Variants in NLRP3 observed in about 807,000 individuals in gnomAD.
The protein encoded by NLRP3 is NLR family pyrin domain containing 3.
In NLRP3, 48 loss-of-function variants were observed where a neutral mutation model predicts 91.3. The observed-to-expected ratio is 0.53, with a 90% CI of 0.42 to 0.67. The LOEUF is 0.67. Ranked by LOEUF, NLRP3 falls within the 30% of genes least tolerant of loss-of-function variation. The pLI, the probability that NLRP3 is intolerant of heterozygous loss-of-function variation, is 0.00. For synonymous variants in NLRP3, 561 were observed against 507.9 expected, an observed-to-expected ratio of 1.10 and a Z score of -1.41; for missense variants, 982 against 1,276.9, an observed-to-expected ratio of 0.77 and a Z score of 3.52.
chr1:247,436,107 C>A lies in NLRP3; in HGVS notation c.2630C>A (p.Ala877Asp), dbSNP rs749903532. 2 of 1,614,118 alleles carry A rather than the reference C, an allele frequency of 1.2e-6. No homozygotes were observed. Among genetic ancestry groups the A allele is most frequent in the South Asian group, 1.1e-5 (1 of 91,084 alleles). Reference sequence around the variant, plus strand: ...GGAGTCGCAATTTTATGTGAAAAAGCCAAGAATCCACAGTGTAACCTGCAG... The same window carrying A: ...GGAGTCGCAATTTTATGTGAAAAAGACAAGAATCCACAGTGTAACCTGCAG... ...DSGVAILCEK[A>D]KNPQCNLQKL... Residue 877 changes from alanine to aspartate, a missense_variant, in exon 7 of 10, where the codon GCC (alanine) becomes GAC (aspartate). Physicochemically the swap from Ala to Asp is moderately radical, Grantham distance 126 (BLOSUM62 -2). Around this residue, in one of 5 missense-constraint regions of NLRP3, gnomAD observed 373 missense variants for 431.5 expected, o/e 0.86. Coordinates refer to ENST00000336119, the MANE Select transcript of NLRP3 (RefSeq NM_001243133.2).
chr1:247,434,650 A>C (rs1344948458), intron 6 of NLRP3, among the ~76,000 whole-genome samples: 2 of 152,190 alleles, frequency 1.3e-5, no homozygotes, highest in African/African-American at 4.8e-5. Flanking sequence ...CAGACCCTCG[A>C]TGTTGTATGC....
chr1:247,434,656 T>C (rs1328800872), intron 6 of NLRP3, among the ~76,000 whole-genome samples: 1 of 152,194 alleles, frequency 6.6e-6, no homozygotes, highest in African/African-American at 2.4e-5. Flanking sequence ...CTCGATGTTG[T>C]ATGCAGCCCT....
chr1:247,420,754 T>TC (rs1662397997), intron 2 of NLRP3, among the ~76,000 whole-genome samples: 1 of 46,588 alleles, frequency 2.1e-5, no homozygotes, highest in African/African-American at 7.5e-5. Context: ...TCTTGGTTTT[T>TC]TCTCTTTTCC....
intron 5 of NLRP3, among the ~76,000 whole-genome samples, chr1:247,430,305 C>T (rs1204050774): frequency 6.6e-6 from 1 of 152,200 alleles, no homozygotes; most frequent in Non-Finnish European, 1.5e-5. Context: ...TCTTCTGAGG[C>T]CGCCCTCCTT....
rs750952834 is a variant in NLRP3 at position 247,444,620 on chromosome 1, A to G, written c.2835-31A>G. On this transcript the variant is annotated intron_variant, in intron 8 of 9. Transcript: ENST00000336119. ...GGGAGCTAGGGGGATGGTTAAGGGG[A>G]CATTTTCTTTAAATCACCCCCTTTT... 14 of 1,611,174 alleles carry G rather than the reference A, an allele frequency of 8.7e-6. No homozygotes were observed. The Admixed American group carries it at 1.3e-4, about 15-fold the overall frequency.
Position 247,434,174 on chromosome 1 carries a change from T to A in NLRP3, c.2393T>A (p.Leu798Gln). 1 of 1,614,232 alleles carries A rather than the reference T, an allele frequency of 6.2e-7. No individual in the cohort carries two copies. Among genetic ancestry groups the A allele is most frequent in the Non-Finnish European group, 8.5e-7 (1 of 1,180,044 alleles). Reference protein sequence around the residue: ...ISLVLSSNQKLVELDLSDNAL... With the variant: ...ISLVLSSNQKQVELDLSDNAL... The stretch of plus-strand genomic sequence containing the variant: ...TTGGTCCTCAGCAGCAACCAGAAGC[T>A]GGTGGAGCTGGACCTGAGTGACAAC... The change falls in exon 6 of 10, where the codon CTG becomes CAG. Residue 798 changes from leucine (L) to glutamine (Q), a missense_variant. Physicochemically the swap from Leu to Gln is moderately radical, Grantham distance 113. Transcript: ENST00000336119.
intron 5 of NLRP3, among the ~76,000 whole-genome samples, chr1:247,433,142 G>A (rs1404432475): frequency 1.3e-5 from 2 of 152,092 alleles, no homozygotes; most frequent in African/African-American, 4.8e-5. Flanking sequence ...AGGAGTTCGA[G>A]GTGGCAGTGA....
Position 247,424,457 on chromosome 1 carries a change from G to A in NLRP3, c.1008G>A (p.Lys336=), listed in dbSNP as rs1408816974. 1 of 1,614,220 alleles carries A rather than the reference G, an allele frequency of 6.2e-7. No homozygotes were observed. Among genetic ancestry groups the A allele is most frequent in the South Asian group, 1.1e-5 (1 of 91,080 alleles). ...TTCTCCTGAGCAGCCTCATCAGAAAGAAGCTGCTTCCCGAGGCCTCTCTGC... is the reference window on the plus strand; with the variant it reads ...TTCTCCTGAGCAGCCTCATCAGAAAAAAGCTGCTTCCCGAGGCCTCTCTGC... ...GDILLSSLIR[K]KLLPEASLLI... is the part of the protein sequence containing the mutation. Residue 336 remains lysine, a synonymous_variant, in exon 4 of 10, where the codon AAG becomes AAA. Transcript: ENST00000336119. This position sits in a 1 kb window ranked among gnomAD's most constrained non-coding sequence, Gnocchi z 8.1.
intron 7 of NLRP3, among the ~76,000 whole-genome samples, chr1:247,437,106 G>A (rs1454482743): frequency 6.6e-6 from 1 of 152,210 alleles, no homozygotes; most frequent in East Asian, 1.9e-4. Flanking sequence ...CTTAGGAGAT[G>A]TTGCTAATGG....
In NLRP3 at chr1:247,425,295, G is replaced by T; in HGVS notation, c.1846G>T (p.Ala616Ser). 1 of 1,614,184 alleles carries T rather than the reference G, an allele frequency of 6.2e-7. No homozygotes were observed. ...LLKWIEVKAK[A>S]KKLQIQPSQL... is the part of the protein sequence containing the mutation. ...GAAATGGATTGAAGTGAAAGCCAAA[G>T]CTAAAAAGCTGCAGATCCAGCCCAG... Residue 616 changes from alanine (A) to serine (S), a missense_variant, in exon 4 of 10, where the codon GCT (alanine) becomes TCT (serine). Physicochemically the swap from Ala to Ser is moderately conservative, Grantham distance 99 (BLOSUM62 1). This residue lies in a region of NLRP3 where 32 missense variants were observed against 60.3 expected (regional missense o/e 0.53). Transcript: ENST00000336119. The surrounding 1 kb of genome is among the most constrained non-coding windows in gnomAD (Gnocchi z 4.1).
rs79889383 is a variant in NLRP3, at chr1:247,434,011, T to C, written c.2322-92T>C. On this transcript the variant is annotated intron_variant, in intron 5 of 9. Coordinates refer to ENST00000336119, the MANE Select transcript of NLRP3 (RefSeq NM_001243133.2). ...CTGATGCTTTCTCTATTCCGGAGCTTCCTGATCAGGTGTGTCCTGATGCTT... is the reference window on the plus strand; with the variant it reads ...CTGATGCTTTCTCTATTCCGGAGCTCCCTGATCAGGTGTGTCCTGATGCTT... 12,111 of 752,628 alleles carry C rather than the reference T, an allele frequency of 0.016. 1,206 individuals are homozygous for C. The highest frequency in any genetic ancestry group is 0.058 in the Admixed American group (2,263 of 38,744). 46.6% of individuals were successfully genotyped at this position (752,628 alleles called of 1,614,324 possible).
In NLRP3 at chr1:247,423,192, A is replaced by C. The variant is rs746183750; in HGVS notation, c.278-38A>C. The C allele has an allele frequency of 3.1e-6, 5 of 1,613,330 alleles. No individual in the cohort carries two copies. The East Asian group carries it at 8.9e-5, about 29-fold the overall frequency. On this transcript the variant is annotated intron_variant, in intron 2 of 9. Coordinates refer to ENST00000336119, the MANE Select transcript of NLRP3 (RefSeq NM_001243133.2). ...GGTTTCAATTGCATCCTCTGTGATAATAGTTCTGGGTTTTGACACCTTTTT... is the reference window on the plus strand; with the variant it reads ...GGTTTCAATTGCATCCTCTGTGATACTAGTTCTGGGTTTTGACACCTTTTT...
At chr1:247,439,865 G>T (rs182470805) in intron 7 of NLRP3, among the ~76,000 whole-genome samples, 5 of 152,092 alleles carry the variant, frequency 3.3e-5, no homozygotes, top group Admixed American at 6.5e-5. Context: ...TGGGATAACT[G>T]TTCTTTTCCA....
At chr1:247,430,122 C>T (rs1663201429) in intron 5 of NLRP3, among the ~76,000 whole-genome samples, 1 of 152,088 alleles carries the variant, frequency 6.6e-6, no homozygotes, top group African/African-American at 2.4e-5. Context: ...GTGATCCGCC[C>T]GCCTCGGCCT....
rs199680838 is a variant in NLRP3 at position 247,424,602 on chromosome 1, T to C, written c.1153T>C (p.Ser385Pro). 3 of 1,614,250 alleles carry C rather than the reference T, an allele frequency of 1.9e-6. No individual in the cohort carries two copies. Among genetic ancestry groups the C allele is most frequent in the Admixed American group, 1.7e-5 (1 of 60,034 alleles). The change falls in exon 4 of 10, where the codon TCT becomes CCT. Residue 385 changes from serine to proline, a missense_variant. This residue lies in a region of NLRP3 where 548 missense variants were observed against 713.7 expected (regional missense o/e 0.77). Coordinates refer to ENST00000336119, the MANE Select transcript of NLRP3 (RefSeq NM_001243133.2). The surrounding 1 kb of genome is among the most constrained non-coding windows in gnomAD (Gnocchi z 8.1). ...KRKEYFFKYF[S>P]DEAQARAAFS... ...GAAAGAGTACTTCTTCAAGTACTTC[T>C]CTGATGAGGCCCAAGCCAGGGCAGC... is the stretch of plus-strand genomic sequence containing the variant.
chr1:247,438,460 T>C (rs1220966024), intron 7 of NLRP3, among the ~76,000 whole-genome samples: 2 of 142,604 alleles, frequency 1.4e-5, no homozygotes, highest in Non-Finnish European at 3.0e-5. Flanking sequence ...CTTGGCTCAC[T>C]GCAACCTCTG....
At chr1:247,421,883 C>T (rs1392430250) in intron 2 of NLRP3, among the ~76,000 whole-genome samples, 1 of 152,126 alleles carries the variant, frequency 6.6e-6, no homozygotes, top group African/African-American at 2.4e-5. Context: ...ACCTGAGTCC[C>T]AGTTACTCAG....
At chr1:247,435,090 A>G (rs1259085096) in intron 6 of NLRP3, among the ~76,000 whole-genome samples, 2 of 152,104 alleles carry the variant, frequency 1.3e-5, no homozygotes, top group Non-Finnish European at 2.9e-5. Flanking sequence ...TGTCTCTACT[A>G]AAAATACAAA....
At chr1:247,416,399 G>A (rs71642411) in intron 1 of NLRP3, among the ~76,000 whole-genome samples, 63 of 152,274 alleles carry the variant, frequency 4.1e-4, no homozygotes, top group Non-Finnish European at 8.1e-4. Flanking sequence ...TGTATGTGGC[G>A]GGGGGAAGCG....
Sources: allele counts gnomAD v4.1 joint callset (sites outside exome capture counted in the v4.1 genomes callset), GRCh38; gene constraint gnomAD v4.1.1; regional missense constraint gnomAD v4.1.1; non-coding constraint Gnocchi (gnomAD v3.1); transcripts MANE v1.5; gene names NCBI Gene and HGNC (gene_info 2026-07-23, HGNC 2026-07-21).